GRID1: variants seen among roughly 807,000 people sequenced by gnomAD.
GRID1 encodes glutamate ionotropic receptor delta type subunit 1.
A neutral mutation model predicts 98.0 loss-of-function variants in GRID1; 28 were observed. That is an observed-to-expected ratio of 0.29 (90% CI 0.21 to 0.39). The LOEUF (loss-of-function observed/expected upper bound fraction) is 0.39. Among genes scored for constraint, GRID1 ranks in the 10% least tolerant of loss-of-function variants. GRID1 has a pLI of 1.00. For synonymous variants in GRID1, 553 were observed against 538.5 expected, an observed-to-expected ratio of 1.03 and a Z score of -0.37; for missense variants, 1,111 against 1,340.5, an observed-to-expected ratio of 0.83 and a Z score of 2.67.
At position 86,220,592 on chromosome 10, in the gene GRID1, G is replaced by A. The variant is rs139342692; in HGVS notation, c.236-13944C>T. On this transcript the variant is annotated intron_variant, in intron 2 of 15. Coordinates refer to ENST00000327946, the MANE Select transcript of GRID1 (RefSeq NM_017551.3). ...GTGAGGTCTGGGCTGATGGTCAGACGCCTGGGCATGTCCAAGGCCATCCTC... is the reference window on the plus strand; with the variant it reads ...GTGAGGTCTGGGCTGATGGTCAGACACCTGGGCATGTCCAAGGCCATCCTC... Among the ~76,000 whole-genome samples the A allele has an allele frequency of 4.0e-3, 615 of 152,266 alleles. 6 individuals carry two copies. The highest frequency in any genetic ancestry group is 0.014 in the African/African-American group (598 of 41,562).
chr10:86,295,302 G>A (rs1018169615), intron 2 of GRID1, among the ~76,000 whole-genome samples: 7 of 152,172 alleles, frequency 4.6e-5, no homozygotes, highest in African/African-American at 1.2e-4. Flanking sequence ...TGATGATGAA[G>A]GAGAGGAGGG....
chr10:85,722,572 T>A (rs193269933), intron 12 of GRID1, among the ~76,000 whole-genome samples: 1 of 152,304 alleles, frequency 6.6e-6, no homozygotes, highest in Admixed American at 6.5e-5. Context: ...TGAAATATGT[T>A]TTCTACTTAT....
chr10:86,075,015 A>C (rs1210550523), intron 4 of GRID1, among the ~76,000 whole-genome samples: 5 of 151,934 alleles, frequency 3.3e-5, no homozygotes, highest in African/African-American at 9.7e-5. Context: ...ATGAATGACC[A>C]AATGCACAAA....
chr10:86,339,568 C>G (rs1848279492), intron 2 of GRID1, among the ~76,000 whole-genome samples: 1 of 152,222 alleles, frequency 6.6e-6, no homozygotes, highest in South Asian at 2.1e-4. Flanking sequence ...GGAGGAGAAC[C>G]TAGAGCCGGC....
At chr10:86,332,376 G>A (rs1848156631) in intron 2 of GRID1, among the ~76,000 whole-genome samples, 1 of 152,082 alleles carries the variant, frequency 6.6e-6, no homozygotes. Context: ...AGGTATGAAG[G>A]GTCCAACCCT....
intron 3 of GRID1, among the ~76,000 whole-genome samples, chr10:86,159,477 G>C (rs1279760122): frequency 6.6e-6 from 1 of 152,206 alleles, no homozygotes; most frequent in Non-Finnish European, 1.5e-5. Context: ...ATGCTGTGCA[G>C]GTTTGTAGCC....
At chr10:85,653,469 G>A (rs372315262) in intron 12 of GRID1, among the ~76,000 whole-genome samples, 2 of 152,168 alleles carry the variant, frequency 1.3e-5, no homozygotes, top group African/African-American at 4.8e-5. Flanking sequence ...GCTGAGACAG[G>A]GTGGCCAAGG....
At chr10:85,650,643 A>G (rs1254611147) in intron 12 of GRID1, among the ~76,000 whole-genome samples, 1 of 152,226 alleles carries the variant, frequency 6.6e-6, no homozygotes. Flanking sequence ...TCCCAGAAGC[A>G]CAGAGAAGTA....
At chr10:85,952,224 T>C (rs1842134839) in intron 4 of GRID1, among the ~76,000 whole-genome samples, 2 of 152,120 alleles carry the variant, frequency 1.3e-5, no homozygotes, top group African/African-American at 2.4e-5. Context: ...GTTAATAATT[T>C]TCAGTAAACA....
chr10:85,696,246 G>A (rs550236259), intron 12 of GRID1, among the ~76,000 whole-genome samples: 1 of 152,068 alleles, frequency 6.6e-6, no homozygotes, highest in Non-Finnish European at 1.5e-5. Flanking sequence ...AAGCACATAA[G>A]TACATAATTG....
At chr10:85,711,938 G>A (rs1841586091) in intron 12 of GRID1, among the ~76,000 whole-genome samples, 1 of 151,548 alleles carries the variant, frequency 6.6e-6, no homozygotes, top group Non-Finnish European at 1.5e-5. Context: ...AACACAAATT[G>A]TTATTAAGAT....
At chr10:85,920,760 C>T (rs113516084) in intron 4 of GRID1, among the ~76,000 whole-genome samples, 2,418 of 152,038 alleles carry the variant, frequency 0.016, 22 homozygotes, top group Non-Finnish European at 0.023. Flanking sequence ...ATCCTGTGGG[C>T]GGGGAGGGAA....
chr10:85,993,209 A>G (rs1842702712), intron 4 of GRID1, among the ~76,000 whole-genome samples: 1 of 152,198 alleles, frequency 6.6e-6, no homozygotes, highest in Non-Finnish European at 1.5e-5. Flanking sequence ...CAGCAGGTAC[A>G]GAGGACAAGG....
At chr10:85,605,333 G>T (rs1200460258) in intron 15 of GRID1, 2 of 152,224 alleles carry the variant, frequency 1.3e-5, no homozygotes, top group Admixed American at 1.3e-4. Flanking sequence ...AGCTGAAGTA[G>T]TTGAGAAAGA....
intron 5 of GRID1, among the ~76,000 whole-genome samples, chr10:85,912,635 C>T (rs146057469): frequency 6.6e-6 from 1 of 152,156 alleles, no homozygotes; most frequent in Non-Finnish European, 1.5e-5. Flanking sequence ...CCCAGAGACA[C>T]CTGCGGTGGT....
At chr10:85,727,553 CT>C (rs1261186856) in intron 10 of GRID1, among the ~76,000 whole-genome samples, 3 of 152,100 alleles carry the variant, frequency 2.0e-5, no homozygotes, top group Non-Finnish European at 4.4e-5. Flanking sequence ...CTGCTTCACC[CT>C]AAACGTAGGG....
At position 85,613,411 on chromosome 10, in the gene GRID1, T is replaced by G; in HGVS notation, c.2597A>C (p.Lys866Thr). ...NSNRCHQETPKEDKEVNLEQV... is the reference protein window; with the variant it reads ...NSNRCHQETPTEDKEVNLEQV... Reference sequence around the variant, plus strand: ...GGCAGGCCCCAGGGTGCTGACCTCCTTGGGGGTCTCCTGGTGGCACCGGTT... The same window carrying G: ...GGCAGGCCCCAGGGTGCTGACCTCCGTGGGGGTCTCCTGGTGGCACCGGTT... The change falls in exon 15 of 16, where the codon AAG becomes ACG. Residue 866 changes from lysine (K) to threonine (T), a missense_variant. Coordinates refer to ENST00000327946, the MANE Select transcript of GRID1 (RefSeq NM_017551.3). 3 of 1,612,550 alleles carry G rather than the reference T, an allele frequency of 1.9e-6. No individual in the cohort carries two copies. Among genetic ancestry groups the G allele is most frequent in the Non-Finnish European group, 2.5e-6 (3 of 1,179,666 alleles).
At chr10:85,926,983 C>A (rs1446697480) in intron 4 of GRID1, among the ~76,000 whole-genome samples, 1 of 152,174 alleles carries the variant, frequency 6.6e-6, no homozygotes, top group East Asian at 1.9e-4. Context: ...TTCTCTACAG[C>A]CCTCAATTAG....
In GRID1 at chr10:85,854,699, G is replaced by T. The variant is rs1025357509; in HGVS notation, c.1114-84C>A. 39 of 1,424,902 alleles carry T rather than the reference G, an allele frequency of 2.7e-5. No individual in the cohort carries two copies. In the Admixed American group the frequency reaches 3.5e-4, roughly 13 times the overall value. 88.3% of individuals were successfully genotyped at this position (1,424,902 alleles called of 1,614,324 possible). On this transcript the variant is annotated intron_variant, in intron 7 of 15. Transcript: ENST00000327946. ...AAAGGCTAAGAGGAGCAAGGAAGTG[G>T]TCACCAAGAACGGAGCAATCAGTTT...
Sources: allele counts gnomAD v4.1 joint callset (sites outside exome capture counted in the v4.1 genomes callset), GRCh38; gene constraint gnomAD v4.1.1; transcripts MANE v1.5; gene names NCBI Gene and HGNC (gene_info 2026-07-23, HGNC 2026-07-21).